Variants in TLL2 observed in about 807,000 individuals in gnomAD.
The protein encoded by TLL2 is tolloid-like protein 2.
A neutral mutation model predicts 123.0 loss-of-function variants in TLL2; 106 were observed. That is an observed-to-expected ratio of 0.86 (90% CI 0.74 to 1.01). TLL2 has a LOEUF of 1.01. Among genes scored for constraint, TLL2 ranks in the 50% least tolerant of loss-of-function variants. The probability of loss-of-function intolerance (pLI) is 0.00; values close to 1 mark genes in which losing one functional copy is unlikely to be tolerated. For synonymous variants in TLL2, 494 were observed against 516.8 expected (o/e 0.96, Z 0.60); for missense variants, 1,332 against 1,336.7 (o/e 1.00, Z 0.06).
intron 9 of TLL2, among the ~76,000 whole-genome samples, chr10:96,409,511 C>T (rs1278359189): frequency 6.6e-6 from 1 of 152,152 alleles, no homozygotes; most frequent in African/African-American, 2.4e-5. Context: ...AGAGCAAAAC[C>T]TCAGTTCTCA....
chr10:96,512,825 G>A (rs936538086), intron 1 of TLL2, among the ~76,000 whole-genome samples: 5 of 152,230 alleles, frequency 3.3e-5, no homozygotes, highest in Non-Finnish European at 7.3e-5. Context: ...AGCGGGAGCT[G>A]CAGCGCCCGG....
At position 96,366,245 on chromosome 10, in the gene TLL2, A is replaced by G. The variant is rs1389564061; in HGVS notation, c.*1843T>C. 1 of 152,666 alleles carries G rather than the reference A, an allele frequency of 6.6e-6. No homozygotes were observed. Among genetic ancestry groups the G allele is most frequent in the East Asian group, 1.9e-4 (1 of 5,204 alleles). The allele number at this position is 152,666 out of a possible 1,614,324, so 9.5% of individuals were successfully genotyped here. A position where few individuals can be genotyped will look rare whatever the true frequency, so the allele number is the denominator to read the frequency against. ...TGCTGTATCAAAGCGCACGCTGGGC[A>G]GGGTCTGCCATATGCACAATATGAG... On this transcript the variant is annotated 3_prime_UTR_variant, in exon 21 of 21. Coordinates refer to ENST00000357947, the MANE Select transcript of TLL2 (RefSeq NM_012465.4).
At chr10:96,471,931 C>T (rs138184740) in intron 2 of TLL2, among the ~76,000 whole-genome samples, 9 of 152,172 alleles carry the variant, frequency 5.9e-5, no homozygotes, top group Admixed American at 3.3e-4. Context: ...TGTGTACCTA[C>T]GAGAAGGTTC....
At chr10:96,370,041 G>T (rs747581529) in intron 20 of TLL2, 24 bp downstream of exon 20, 60 of 1,542,958 alleles carry the variant, frequency 3.9e-5, no homozygotes, top group Non-Finnish European at 4.4e-5. Context: ...ACTCTGCCCC[G>T]GCCCCAGCGT....
intron 2 of TLL2, among the ~76,000 whole-genome samples, chr10:96,471,206 TG>T (rs1211028614): frequency 6.6e-6 from 1 of 152,172 alleles, no homozygotes; most frequent in Non-Finnish European, 1.5e-5. Context: ...GGTTTCACTA[TG>T]TTGATCAGGC....
chr10:96,473,327 C>A (rs891776399), intron 2 of TLL2, among the ~76,000 whole-genome samples: 8 of 151,956 alleles, frequency 5.3e-5, no homozygotes, highest in Admixed American at 5.2e-4. Context: ...TGGTGATGGG[C>A]GCCTGAAATC....
At chr10:96,497,180 C>G (rs1213798010) in intron 1 of TLL2, among the ~76,000 whole-genome samples, 2 of 151,880 alleles carry the variant, frequency 1.3e-5, no homozygotes, top group East Asian at 3.9e-4. Flanking sequence ...ATCCCAGCTA[C>G]TCGGGAAGCT....
chr10:96,383,497 T>C (rs186133507), intron 16 of TLL2, among the ~76,000 whole-genome samples: 1 of 152,390 alleles, frequency 6.6e-6, no homozygotes, highest in African/African-American at 2.4e-5. Flanking sequence ...CCCCCTTCAC[T>C]TGGCTCTCAT....
intron 3 of TLL2, among the ~76,000 whole-genome samples, chr10:96,445,188 C>T (rs1034595832): frequency 6.7e-6 from 1 of 148,326 alleles, no homozygotes; most frequent in African/African-American, 2.5e-5. Flanking sequence ...GACTCCACCT[C>T]AAAAAAAAAA....
At chr10:96,392,211 T>C (rs1348758037) in intron 13 of TLL2, among the ~76,000 whole-genome samples, 1 of 152,204 alleles carries the variant, frequency 6.6e-6, no homozygotes, top group Non-Finnish European at 1.5e-5. Context: ...CATGGTTACT[T>C]GAGCAGGTCC....
chr10:96,512,471 C>A (rs1449000187), intron 1 of TLL2, among the ~76,000 whole-genome samples: 1 of 152,256 alleles, frequency 6.6e-6, no homozygotes, highest in Non-Finnish European at 1.5e-5. Context: ...TGGCCGGCCA[C>A]AGCCCCGGGA....
intron 20 of TLL2, among the ~76,000 whole-genome samples, chr10:96,369,216 G>A (rs150527091): frequency 2.0e-5 from 3 of 152,250 alleles, no homozygotes; most frequent in African/African-American, 4.8e-5. Context: ...TGGCCAATGC[G>A]CAAACTCCCA....
intron 3 of TLL2, among the ~76,000 whole-genome samples, chr10:96,440,329 T>C (rs1254911902): frequency 2.0e-5 from 3 of 152,230 alleles, no homozygotes; most frequent in African/African-American, 7.2e-5. Context: ...ATATTTTGAA[T>C]GTATGAATTA....
rs753668549 is a variant in TLL2, at chr10:96,513,661, C to A, written c.25G>T (p.Ala9Ser). 32 of 1,574,348 alleles carry A rather than the reference C, an allele frequency of 2.0e-5. No individual in the cohort carries two copies. Among genetic ancestry groups the A allele is most frequent in the Non-Finnish European group, 2.5e-5 (29 of 1,166,748 alleles). MPRATALG[A>S]LVSLLLLLPL... ...AGCAGCAGCAGCAGTGACACCAGGGCCCCAAGTGCAGTCGCCCGGGGCATG... is the reference window on the plus strand; with the variant it reads ...AGCAGCAGCAGCAGTGACACCAGGGACCCAAGTGCAGTCGCCCGGGGCATG... The change falls in exon 1 of 21, where the codon GCC (alanine) becomes TCC (serine). Residue 9 changes from alanine (A) to serine (S), a missense_variant. Coordinates refer to ENST00000357947, the MANE Select transcript of TLL2 (RefSeq NM_012465.4).
chr10:96,483,685 T>C (rs566985291), intron 1 of TLL2, among the ~76,000 whole-genome samples: 1 of 152,230 alleles, frequency 6.6e-6, no homozygotes, highest in South Asian at 2.1e-4. Flanking sequence ...AAGGTAAGTA[T>C]GTTGTATATA....
intron 1 of TLL2, among the ~76,000 whole-genome samples, chr10:96,491,982 G>A (rs189097566): frequency 1.4e-4 from 22 of 152,204 alleles, no homozygotes; most frequent in Admixed American, 1.4e-3. Flanking sequence ...CCTGATTTTG[G>A]GGGCTGCAAA....
chr10:96,510,315 G>A (rs759704213), intron 1 of TLL2, among the ~76,000 whole-genome samples: 3 of 152,168 alleles, frequency 2.0e-5, no homozygotes, highest in Admixed American at 6.5e-5. Flanking sequence ...AGCTATGGAT[G>A]ACCAGACAGA....
At chr10:96,382,250 C>T (rs1035692008) in intron 16 of TLL2, among the ~76,000 whole-genome samples, 1 of 152,166 alleles carries the variant, frequency 6.6e-6, no homozygotes, top group Non-Finnish European at 1.5e-5. Flanking sequence ...AGGATGGTCT[C>T]GATCTCTTGA....
At position 96,367,400 on chromosome 10, in the gene TLL2, C is replaced by G. The variant is rs1846039033; in HGVS notation, c.*688G>C. On this transcript the variant is annotated 3_prime_UTR_variant, in exon 21 of 21. Coordinates refer to ENST00000357947, the MANE Select transcript of TLL2 (RefSeq NM_012465.4). ...TGTTCTGCTGTATTCATAATGGATG[C>G]CTTAGCCCCCACTGCAATTAGGGAG... 4 of 152,212 alleles carry G rather than the reference C, an allele frequency of 2.6e-5. No homozygotes were observed. Among genetic ancestry groups the G allele is most frequent in the Admixed American group, 2.6e-4 (4 of 15,282 alleles). 9.4% of individuals were successfully genotyped at this position (152,212 alleles called of 1,614,324 possible). A position where few individuals can be genotyped will look rare whatever the true frequency, so the allele number is the denominator to read the frequency against.
Sources: gnomAD v4.1 joint callset for allele counts (sites outside exome capture counted in the v4.1 genomes callset) on GRCh38, gnomAD v4.1.1 for gene constraint, MANE v1.5 for transcripts, NCBI Gene and HGNC (gene_info 2026-07-23, HGNC 2026-07-21) for gene names.